Variants in DCLK1 observed in about 807,000 individuals in gnomAD.
DCLK1 encodes the protein doublecortin like kinase 1, also known as serine/threonine-protein kinase DCLK1.
A neutral mutation model predicts 86.2 loss-of-function variants in DCLK1; 16 were observed. That is an observed-to-expected ratio of 0.19 (90% CI 0.13 to 0.28). The LOEUF is 0.28. Ranked by LOEUF, DCLK1 falls within the 10% of genes least tolerant of loss-of-function variation. DCLK1 has a pLI of 1.00. For missense variants in DCLK1, 590 were observed against 940.2 expected (o/e 0.63, Z 4.87); for synonymous variants, 369 against 370.5 (o/e 1.00, Z 0.05).
chr13:35,944,954 T>G (rs927546807), intron 4 of DCLK1, among the ~76,000 whole-genome samples: 3 of 152,162 alleles, frequency 2.0e-5, no homozygotes, highest in Non-Finnish European at 4.4e-5. Flanking sequence ...CAGGCTGGAG[T>G]GCAATGGTGC....
intron 16 of DCLK1, among the ~76,000 whole-genome samples, chr13:35,789,038 G>A (rs2153098914): frequency 1.3e-5 from 2 of 152,252 alleles, no homozygotes; most frequent in Middle Eastern, 3.4e-3. Flanking sequence ...TAGAAGACAG[G>A]AGAAGTTCTC....
intron 3 of DCLK1, among the ~76,000 whole-genome samples, chr13:36,077,913 C>T (rs1283487509): frequency 9.2e-5 from 14 of 152,184 alleles, no homozygotes; most frequent in Non-Finnish European, 2.9e-5. Context: ...AGCTCTGATC[C>T]TTAACTTTGG....
chr13:36,058,356 G>A (rs181765702), intron 3 of DCLK1, among the ~76,000 whole-genome samples: 98 of 152,314 alleles, frequency 6.4e-4, no homozygotes, highest in African/African-American at 1.9e-3. Context: ...GCTGTGTGAG[G>A]AGCAAGAATG....
chr13:35,853,253 T>C (rs1870784363), intron 6 of DCLK1, among the ~76,000 whole-genome samples: 2 of 152,218 alleles, frequency 1.3e-5, no homozygotes, highest in Non-Finnish European at 2.9e-5. Flanking sequence ...GGGCTTTCTA[T>C]CTGGAAAGAG....
intron 2 of DCLK1, among the ~76,000 whole-genome samples, chr13:36,117,085 A>G (rs2138200599): frequency 6.6e-6 from 1 of 152,298 alleles, no homozygotes; most frequent in Non-Finnish European, 1.5e-5. Context: ...AGCTTATAGA[A>G]AATGAACTTG....
chr13:35,855,536 G>A (rs371279198), intron 5 of DCLK1: 8 of 1,606,500 alleles, frequency 5.0e-6, no homozygotes, highest in Non-Finnish European at 6.8e-6. Flanking sequence ...CATGGACACA[G>A]TCTTAGTGTT....
In DCLK1 at chr13:36,002,036, C is replaced by T. The variant is rs138345567; in HGVS notation, c.724-54579G>A. On this transcript the variant is annotated intron_variant, in intron 3 of 16. Coordinates refer to ENST00000360631, the MANE Select transcript of DCLK1 (RefSeq NM_001330071.2). ...GATGAAGTTGGGTTAAAAAAAAAAT[C>T]TCTCTTTAAAAACAACAACTCTACT... 2.6e-5 allele frequency among the ~76,000 whole-genome samples: 4 copies of T among 152,126 alleles called. No homozygotes were observed. The East Asian group carries it at 7.7e-4, about 29-fold the overall frequency.
chr13:35,916,329 T>C (rs1325110254), intron 4 of DCLK1, among the ~76,000 whole-genome samples: 1 of 152,144 alleles, frequency 6.6e-6, no homozygotes, highest in East Asian at 1.9e-4. Flanking sequence ...GCCCTGTACA[T>C]TATAGAAACA....
intron 3 of DCLK1, among the ~76,000 whole-genome samples, chr13:36,054,460 T>C (rs1044709326): frequency 6.6e-6 from 1 of 152,194 alleles, no homozygotes; most frequent in Non-Finnish European, 1.5e-5. Context: ...CTTCACAACA[T>C]AGCTGGGCTA....
intron 15 of DCLK1, among the ~76,000 whole-genome samples, chr13:35,797,461 G>A (rs2086835268): frequency 1.3e-5 from 2 of 152,144 alleles, no homozygotes; most frequent in African/African-American, 4.8e-5. Flanking sequence ...TTCAGATACT[G>A]GGGCCTGGAG....
chr13:36,099,223 C>G (rs1241667477), intron 3 of DCLK1, among the ~76,000 whole-genome samples: 2 of 152,312 alleles, frequency 1.3e-5, no homozygotes, highest in Admixed American at 6.5e-5. Flanking sequence ...CTGCCTCGGC[C>G]TCCCAAAGTG....
intron 5 of DCLK1, among the ~76,000 whole-genome samples, chr13:35,870,861 A>C (rs1056432768): frequency 1.3e-5 from 2 of 152,226 alleles, no homozygotes; most frequent in Non-Finnish European, 2.9e-5. Flanking sequence ...GGTTCAGCGA[A>C]TACAAATGGG....
chr13:36,041,896 C>T lies in DCLK1; in HGVS notation c.723+69973G>A, dbSNP rs142965146. ...TAACAATTATGCATTAGTAAGAATA[C>T]GAGAATACAAATTCATTCTCTCAAA... On this transcript the variant is annotated intron_variant, in intron 3 of 16. Coordinates refer to ENST00000360631, the MANE Select transcript of DCLK1 (RefSeq NM_001330071.2). 2.1e-3 allele frequency among the ~76,000 whole-genome samples: 326 copies of T among 152,210 alleles called. 2 individuals are homozygous for T. Among genetic ancestry groups the T allele is most frequent in the African/African-American group, 7.3e-3 (302 of 41,532 alleles).
chr13:35,989,197 G>A (rs1880090992), intron 3 of DCLK1, among the ~76,000 whole-genome samples: 1 of 152,138 alleles, frequency 6.6e-6, no homozygotes, highest in African/African-American at 2.4e-5. Context: ...AGATACATGT[G>A]TAGTGGAACA....
At chr13:36,109,513 G>A (rs575334319) in intron 3 of DCLK1, among the ~76,000 whole-genome samples, 2 of 152,266 alleles carry the variant, frequency 1.3e-5, no homozygotes, top group South Asian at 4.2e-4. Context: ...CTGTTAAATG[G>A]GGATAATAAG....
At chr13:35,919,930 A>C (rs1875695162) in intron 4 of DCLK1, among the ~76,000 whole-genome samples, 2 of 151,912 alleles carry the variant, frequency 1.3e-5, no homozygotes, top group Non-Finnish European at 2.9e-5. Flanking sequence ...TGAGAATTAT[A>C]TAAATTCACC....
intron 3 of DCLK1, among the ~76,000 whole-genome samples, chr13:36,064,196 A>G (rs1371621364): frequency 6.6e-6 from 1 of 152,240 alleles, no homozygotes; most frequent in African/African-American, 2.4e-5. Flanking sequence ...AAAATGAAGC[A>G]TCCACTAATC....
intron 4 of DCLK1, among the ~76,000 whole-genome samples, chr13:35,888,215 C>A (rs2153118538): frequency 6.6e-6 from 1 of 152,254 alleles, no homozygotes; most frequent in Non-Finnish European, 1.5e-5. Context: ...ATCCTTCCCA[C>A]CAACTGTCTA....
chr13:35,795,345 A>G (rs936159824), intron 15 of DCLK1, among the ~76,000 whole-genome samples: 5 of 152,206 alleles, frequency 3.3e-5, no homozygotes, highest in Admixed American at 1.3e-4. Flanking sequence ...AAAGCTGAAA[A>G]AACAGAAGAC....
Sources: gnomAD v4.1 joint callset for allele counts (sites outside exome capture counted in the v4.1 genomes callset) on GRCh38, gnomAD v4.1.1 for gene constraint, MANE v1.5 for transcripts, NCBI Gene and HGNC (gene_info 2026-07-23, HGNC 2026-07-21) for gene names.